The following GHR variants were observed in gnomAD, a reference collection of about 807,000 sequenced individuals.
GHR encodes GH receptor.
Under a neutral mutation model 67.1 loss-of-function variants are expected in GHR, and 35 were observed. That is an observed-to-expected ratio of 0.52 (90% confidence interval 0.40 to 0.69). The LOEUF (loss-of-function observed/expected upper bound fraction) is 0.69. Among genes scored for constraint, GHR ranks in the 30% least tolerant of loss-of-function variants. The pLI is 0.00. For missense variants in GHR, 792 were observed against 764.6 expected, an observed-to-expected ratio of 1.04 and a Z score of -0.42; for synonymous variants, 272 against 269.1, an observed-to-expected ratio of 1.01 and a Z score of -0.10.
chr5:42,450,672 T>C (rs1960498), intron 1 of GHR, among the ~76,000 whole-genome samples: 34,512 of 152,018 alleles, frequency 0.23, 4,370 homozygotes, highest in African/African-American at 0.32. Context: ...TCTTCTGCTT[T>C]GTTTGGGTTT....
intron 3 of GHR, among the ~76,000 whole-genome samples, chr5:42,668,371 G>A (rs923504018): frequency 3.3e-5 from 5 of 152,040 alleles, no homozygotes; most frequent in Admixed American, 2.0e-4. Context: ...ATTCTTTGTT[G>A]TGGCTGTCAT....
intron 1 of GHR, among the ~76,000 whole-genome samples, chr5:42,546,726 TGAGA>T (rs542171200): frequency 1.3e-5 from 2 of 152,026 alleles, no homozygotes; most frequent in African/African-American, 2.4e-5. Flanking sequence ...TATTTGTGTG[TGAGA>T]GAGAGAGACT....
At chr5:42,644,267 T>C (rs751485604) in intron 3 of GHR, among the ~76,000 whole-genome samples, 51 of 152,198 alleles carry the variant, frequency 3.4e-4, no homozygotes, top group Non-Finnish European at 4.6e-4. Context: ...GATGAACATA[T>C]AGTTCACAGC....
At chr5:42,663,832 A>G (rs1445617519) in intron 3 of GHR, among the ~76,000 whole-genome samples, 1 of 152,218 alleles carries the variant, frequency 6.6e-6, no homozygotes, top group South Asian at 2.1e-4. Context: ...ACATGATTGT[A>G]TATCTAGAAA....
intron 1 of GHR, among the ~76,000 whole-genome samples, chr5:42,536,119 T>C (rs915925139): frequency 6.6e-6 from 1 of 152,094 alleles, no homozygotes; most frequent in Non-Finnish European, 1.5e-5. Context: ...ACAGTGACAG[T>C]TTGACTTCCT....
chr5:42,606,171 G>C (rs1007213263), intron 2 of GHR, among the ~76,000 whole-genome samples: 1 of 152,140 alleles, frequency 6.6e-6, no homozygotes, highest in African/African-American at 2.4e-5. Flanking sequence ...GGAGAGATTA[G>C]ATGCTTGATT....
intron 3 of GHR, among the ~76,000 whole-genome samples, chr5:42,639,803 AG>A (rs1175409168): frequency 6.6e-6 from 1 of 152,188 alleles, no homozygotes; most frequent in Non-Finnish European, 1.5e-5. Context: ...CTTTGAGGGC[AG>A]GGACTGAACC....
chr5:42,693,669 C>T (rs1415176901), intron 4 of GHR, among the ~76,000 whole-genome samples: 1 of 152,118 alleles, frequency 6.6e-6, no homozygotes, highest in Non-Finnish European at 1.5e-5. Context: ...CCTTCCAGGC[C>T]CTGCCTTCCC....
intron 3 of GHR, among the ~76,000 whole-genome samples, chr5:42,671,955 C>A (rs1207152374): frequency 6.2e-3 from 683 of 110,844 alleles, no homozygotes; most frequent in African/African-American, 7.6e-3. Flanking sequence ...GACTCCGTCT[C>A]AAAAAAAAAA....
intron 1 of GHR, among the ~76,000 whole-genome samples, chr5:42,460,051 G>A (rs1205475549): frequency 6.6e-6 from 1 of 152,156 alleles, no homozygotes; most frequent in African/African-American, 2.4e-5. Flanking sequence ...AATTCTTAAG[G>A]ATAGGTCTCC....
intron 1 of GHR, among the ~76,000 whole-genome samples, chr5:42,469,776 A>G (rs1022313180): frequency 6.6e-6 from 1 of 152,126 alleles, no homozygotes; most frequent in African/African-American, 2.4e-5. Flanking sequence ...CAAAAGCATA[A>G]GCTGTGTTTC....
chr5:42,648,193 C>A (rs1345800213), intron 3 of GHR, among the ~76,000 whole-genome samples: 1 of 152,170 alleles, frequency 6.6e-6, no homozygotes, highest in African/African-American at 2.4e-5. Context: ...ACACCCTAAC[C>A]ATCACATGGG....
At chr5:42,644,627 T>C (rs374144649) in intron 3 of GHR, among the ~76,000 whole-genome samples, 165 of 152,192 alleles carry the variant, frequency 1.1e-3, no homozygotes, top group South Asian at 2.7e-3. Context: ...TACCAATTTG[T>C]TAGATATGAT....
In GHR at chr5:42,478,438, G is replaced by C. The variant is rs1302645133; in HGVS notation, c.-12+54483G>C. 8.5e-5 allele frequency among the ~76,000 whole-genome samples: 13 copies of C among 152,158 alleles called. No homozygotes were observed. In the East Asian group the frequency reaches 2.5e-3, roughly 29 times the overall value. ...CTGTGAAGAAAGTCATTGGTAGCTT[G>C]ATGGGGATGGCATTGAATCTATAAA... On this transcript the variant is annotated intron_variant, in intron 1 of 9. Coordinates refer to ENST00000230882, the MANE Select transcript of GHR (RefSeq NM_000163.5).
chr5:42,434,883 G>A (rs868238458), intron 1 of GHR, among the ~76,000 whole-genome samples: 2 of 152,302 alleles, frequency 1.3e-5, no homozygotes, highest in East Asian at 1.9e-4. Context: ...AGGGCATGGA[G>A]TAGGCTTTGG....
At chr5:42,582,011 G>C (rs768383131) in intron 2 of GHR, among the ~76,000 whole-genome samples, 2 of 152,256 alleles carry the variant, frequency 1.3e-5, no homozygotes, top group African/African-American at 4.8e-5. Context: ...CTGGTCAGGT[G>C]TGCACACACT....
intron 1 of GHR, among the ~76,000 whole-genome samples, chr5:42,511,565 C>T (rs1282541221): frequency 6.6e-6 from 1 of 152,198 alleles, no homozygotes; most frequent in Non-Finnish European, 1.5e-5. Context: ...CATCTACAAA[C>T]AGTCCTCTGT....
intron 1 of GHR, among the ~76,000 whole-genome samples, chr5:42,461,027 T>A (rs1744466904): frequency 6.6e-6 from 1 of 152,188 alleles, no homozygotes. Context: ...AATTGAAGAC[T>A]CCTTGTCTCT....
intron 1 of GHR, among the ~76,000 whole-genome samples, chr5:42,533,479 T>C (rs1480080452): frequency 6.6e-6 from 1 of 151,696 alleles, no homozygotes; most frequent in African/African-American, 2.4e-5. Flanking sequence ...ATAGTTAATA[T>C]TTTTTATTAC....
Sources: allele counts gnomAD v4.1 joint callset (sites outside exome capture counted in the v4.1 genomes callset), GRCh38; gene constraint gnomAD v4.1.1; transcripts MANE v1.5; gene names NCBI Gene and HGNC (gene_info 2026-07-23, HGNC 2026-07-21).